Variants in SLC26A7 observed in about 807,000 individuals in gnomAD.
SLC26A7 encodes the protein anion exchange transporter.
A neutral mutation model predicts 82.5 loss-of-function variants in SLC26A7; 59 were observed. The ratio of observed to expected loss-of-function variants is 0.72; its 90% CI spans 0.58 to 0.89. The LOEUF (loss-of-function observed/expected upper bound fraction) is 0.89. Among genes scored for constraint, SLC26A7 ranks in the 40% least tolerant of loss-of-function variants. The pLI, the probability that SLC26A7 is intolerant of heterozygous loss-of-function variation, is 0.00. For synonymous variants in SLC26A7, 271 were observed against 274.3 expected (o/e 0.99, Z 0.12); for missense variants, 820 against 793.0 (o/e 1.03, Z -0.41).
At chr8:91,257,926 C>A (rs949364332) in intron 2 of SLC26A7, among the ~76,000 whole-genome samples, 5 of 152,182 alleles carry the variant, frequency 3.3e-5, no homozygotes, top group African/African-American at 1.2e-4. Context: ...GGGAAACTTA[C>A]AATCATGGCG....
intron 5 of SLC26A7, among the ~76,000 whole-genome samples, chr8:91,333,584 C>T (rs1240949203): frequency 2.6e-5 from 4 of 152,116 alleles, no homozygotes; most frequent in Non-Finnish European, 5.9e-5. Flanking sequence ...AGGACCCACC[C>T]CACCACCACT....
chr8:91,294,823 T>C (rs1275651752), intron 3 of SLC26A7, among the ~76,000 whole-genome samples: 1 of 152,174 alleles, frequency 6.6e-6, no homozygotes, highest in East Asian at 1.9e-4. Flanking sequence ...CCAAGCCTTA[T>C]CTAACAACAG....
At chr8:91,292,065 G>A (rs1049416543) in intron 3 of SLC26A7, among the ~76,000 whole-genome samples, 11 of 152,096 alleles carry the variant, frequency 7.2e-5, no homozygotes, top group Admixed American at 2.0e-4. Context: ...CAGCCCTTTG[G>A]GAGGCCGAAG....
chr8:91,285,216 C>G (rs1811677462), intron 2 of SLC26A7, among the ~76,000 whole-genome samples: 1 of 152,222 alleles, frequency 6.6e-6, no homozygotes, highest in Non-Finnish European at 1.5e-5. Context: ...TTTCACGTGG[C>G]ATTCACACGA....
At chr8:91,356,271 A>G (rs904108316) in intron 11 of SLC26A7, among the ~76,000 whole-genome samples, 2 of 152,178 alleles carry the variant, frequency 1.3e-5, no homozygotes, top group Non-Finnish European at 2.9e-5. Context: ...GTCAAATGGT[A>G]TTTCTAGTTC....
chr8:91,362,280 G>A, intron 11 of SLC26A7, 73 bp from the exon 12 acceptor site: 1 of 1,067,654 alleles, frequency 9.4e-7, no homozygotes, highest in Non-Finnish European at 1.4e-6. Flanking sequence ...ATATGATTGT[G>A]AGGAACTTAG....
At chr8:91,290,478 C>T (rs1811834156) in intron 3 of SLC26A7, among the ~76,000 whole-genome samples, 1 of 152,182 alleles carries the variant, frequency 6.6e-6, no homozygotes, top group African/African-American at 2.4e-5. Flanking sequence ...TAGAGGCTTC[C>T]TGCATTCTTT....
Position 91,393,813 on chromosome 8 carries a change from A to AATAC in SLC26A7, c.1794_1795insTACA (p.Gly599TyrfsTer35). ...TTCTTCCAGGTTTACATGGACTGTA[A>AATAC]AGGCAGGAGTGTGGATGTATTGTTA... is the stretch of plus-strand genomic sequence containing the variant. On this transcript the variant is annotated frameshift_variant, in exon 17 of 19. Coordinates refer to ENST00000276609, the MANE Select transcript of SLC26A7 (RefSeq NM_052832.4). LOFTEE classifies it high-confidence loss of function. 1 of 1,613,626 alleles carries AATAC rather than the reference A, an allele frequency of 6.2e-7. No homozygotes were observed. Among genetic ancestry groups the AATAC allele is most frequent in the Non-Finnish European group, 8.5e-7 (1 of 1,179,606 alleles).
At chr8:91,287,939 C>T (rs181066712) in intron 2 of SLC26A7, among the ~76,000 whole-genome samples, 73 of 152,204 alleles carry the variant, frequency 4.8e-4, no homozygotes, top group Admixed American at 3.8e-3. Flanking sequence ...TCACTTTTAT[C>T]GTATTTTCAC....
intron 2 of SLC26A7, among the ~76,000 whole-genome samples, chr8:91,226,735 G>C (rs1246210421): frequency 6.6e-6 from 1 of 152,236 alleles, no homozygotes; most frequent in Non-Finnish European, 1.5e-5. Flanking sequence ...AGTAAAAGGG[G>C]ATCCAGAAGA....
chr8:91,218,080 C>G (rs1025098224), intron 1 of SLC26A7, among the ~76,000 whole-genome samples: 2 of 152,130 alleles, frequency 1.3e-5, no homozygotes, highest in Non-Finnish European at 2.9e-5. Context: ...GAAGAGTGAA[C>G]AGAACAGCAA....
intron 3 of SLC26A7, among the ~76,000 whole-genome samples, chr8:91,294,333 A>C (rs1424359273): frequency 6.6e-6 from 1 of 152,144 alleles, no homozygotes; most frequent in Non-Finnish European, 1.5e-5. Flanking sequence ...CATTGAGGTG[A>C]CAGTTCTGGG....
intron 1 of SLC26A7, among the ~76,000 whole-genome samples, chr8:91,215,310 A>G (rs1810023684): frequency 6.6e-6 from 1 of 152,156 alleles, no homozygotes. Context: ...TGTGCTTCAT[A>G]TAATATTGAA....
At chr8:91,280,970 T>C (rs1166292468) in intron 2 of SLC26A7, among the ~76,000 whole-genome samples, 1 of 152,208 alleles carries the variant, frequency 6.6e-6, no homozygotes, top group African/African-American at 2.4e-5. Context: ...GTTTCCTAAC[T>C]GCTCTTTCTG....
At chr8:91,286,856 G>A (rs1214124694) in intron 2 of SLC26A7, among the ~76,000 whole-genome samples, 1 of 152,154 alleles carries the variant, frequency 6.6e-6, no homozygotes, top group Non-Finnish European at 1.5e-5. Context: ...AATAATAAAT[G>A]AATCAGAAAA....
intron 5 of SLC26A7, among the ~76,000 whole-genome samples, chr8:91,328,306 A>G (rs972260902): frequency 6.6e-6 from 1 of 152,064 alleles, no homozygotes; most frequent in Non-Finnish European, 1.5e-5. Context: ...TAAATACTAA[A>G]CTTTTTCAGC....
chr8:91,336,387 T>G (rs979613408), intron 6 of SLC26A7, among the ~76,000 whole-genome samples: 4 of 152,054 alleles, frequency 2.6e-5, no homozygotes, highest in African/African-American at 2.4e-5. Flanking sequence ...CAGCATTAGA[T>G]TCTCATAGGA....
intron 2 of SLC26A7, among the ~76,000 whole-genome samples, chr8:91,281,269 C>T (rs1303482588): frequency 6.6e-6 from 1 of 152,138 alleles, no homozygotes; most frequent in Non-Finnish European, 1.5e-5. Flanking sequence ...ACTTGTTTTT[C>T]GTGTGTAACC....
At chr8:91,265,461 A>G (rs914533647) in intron 2 of SLC26A7, among the ~76,000 whole-genome samples, 1 of 152,070 alleles carries the variant, frequency 6.6e-6, no homozygotes, top group African/African-American at 2.4e-5. Context: ...AGGAAGCTCC[A>G]TACAATTTTC....
Sources: allele counts gnomAD v4.1 joint callset (sites outside exome capture counted in the v4.1 genomes callset), GRCh38; gene constraint gnomAD v4.1.1; transcripts MANE v1.5; gene names NCBI Gene and HGNC (gene_info 2026-07-23, HGNC 2026-07-21).